UNC13C: variants seen among roughly 807,000 people sequenced by gnomAD.
The protein encoded by UNC13C is unc-13 homolog C.
In UNC13C, 174 loss-of-function variants were observed where a neutral mutation model predicts 245.4. The observed-to-expected ratio is 0.71, with a 90% CI of 0.63 to 0.80. UNC13C has a LOEUF of 0.80. Among genes scored for constraint, UNC13C ranks in the 30% least tolerant of loss-of-function variants. The probability of loss-of-function intolerance (pLI) is 0.00; values close to 1 mark genes in which losing one functional copy is unlikely to be tolerated. For synonymous variants in UNC13C, 992 were observed against 895.1 expected, an observed-to-expected ratio of 1.11 and a Z score of -1.93; for missense variants, 2,829 against 2,602.9, an observed-to-expected ratio of 1.09 and a Z score of -1.89.
chr15:53,934,604 C>T, the UNC13C span, among the ~76,000 whole-genome samples: 3 of 152,284 alleles, frequency 2.0e-5, no homozygotes, highest in Admixed American at 2.0e-4. Flanking sequence ...TCCAATCCCT[C>T]AAATAGTCGT....
intron 4 of UNC13C, among the ~76,000 whole-genome samples, chr15:54,185,401 T>G (rs1050053798): frequency 9.9e-5 from 15 of 151,168 alleles, no homozygotes; most frequent in African/African-American, 2.7e-4. Context: ...TTTATGGTTT[T>G]AGGTCTAACA....
the UNC13C span, among the ~76,000 whole-genome samples, chr15:53,899,065 T>A: frequency 6.6e-6 from 1 of 151,886 alleles, no homozygotes; most frequent in South Asian, 2.1e-4. Flanking sequence ...AGTAACCTCA[T>A]TTTCATCCTT....
At chr15:54,413,571 A>C (rs1036655720) in intron 18 of UNC13C, among the ~76,000 whole-genome samples, 4 of 152,182 alleles carry the variant, frequency 2.6e-5, no homozygotes, top group Non-Finnish European at 5.9e-5. Flanking sequence ...ATTTTTTAGA[A>C]AAGTTCTGAA....
intron 17 of UNC13C, among the ~76,000 whole-genome samples, chr15:54,358,439 G>A (rs1259902087): frequency 3.3e-5 from 5 of 151,992 alleles, no homozygotes; most frequent in African/African-American, 1.2e-4. Context: ...TTCTTCCAAT[G>A]AGTGGACACA....
chr15:53,925,201 A>G, the UNC13C span, among the ~76,000 whole-genome samples: 1 of 152,246 alleles, frequency 6.6e-6, no homozygotes, highest in Non-Finnish European at 1.5e-5. Context: ...GGATTTTTAC[A>G]GTAATTACAT....
intron 13 of UNC13C, among the ~76,000 whole-genome samples, chr15:54,319,597 A>G (rs1423567131): frequency 6.6e-6 from 1 of 151,928 alleles, no homozygotes; most frequent in African/African-American, 2.4e-5. Context: ...TATTATGACA[A>G]AGTAGGTAGC....
At position 54,404,342 on chromosome 15, in the gene UNC13C, TTCC is replaced by T. The variant is rs1196411457; in HGVS notation, c.4848-10637_4848-10635del. Among the ~76,000 whole-genome samples, 4 of 152,184 alleles carry T rather than the reference TTCC, an allele frequency of 2.6e-5. 1 individual carries two copies. Among genetic ancestry groups the T allele is most frequent in the Admixed American group, 1.3e-4 (2 of 15,276 alleles). On this transcript the variant is annotated intron_variant, in intron 18 of 32. Transcript: ENST00000260323. ...AAATTTGGCAGTGGCAGATTATGTT[TTCC>T]TCATTTCACTAAGAAATTTGCAAGA...
intron 18 of UNC13C, among the ~76,000 whole-genome samples, chr15:54,402,516 C>T (rs2040208383): frequency 6.6e-6 from 1 of 151,986 alleles, no homozygotes; most frequent in Non-Finnish European, 1.5e-5. Context: ...GTCATGCTTG[C>T]TGAAAGATTT....
At chr15:54,543,876 G>A (rs1159568167) in intron 26 of UNC13C, among the ~76,000 whole-genome samples, 2 of 152,088 alleles carry the variant, frequency 1.3e-5, no homozygotes, top group East Asian at 3.9e-4. Context: ...ACAAAGAGGA[G>A]CTGATACTAT....
rs1448861107 is a variant in UNC13C, at chr15:54,288,612, G to A, written c.3819-5283G>A. Among the ~76,000 whole-genome samples the A allele has an allele frequency of 2.0e-5, 3 of 152,168 alleles. No individual in the cohort carries two copies. In the East Asian group the frequency reaches 5.8e-4, roughly 30 times the overall value. ...AAGTCCATCTCTAGTTGCAGGGGAG[G>A]TTGGGAAATTGCATAAAACTAAAAA... On this transcript the variant is annotated intron_variant, in intron 10 of 32. Transcript: ENST00000260323.
chr15:54,324,732 A>C (rs1377415062), intron 14 of UNC13C, among the ~76,000 whole-genome samples: 1 of 152,100 alleles, frequency 6.6e-6, no homozygotes, highest in Non-Finnish European at 1.5e-5. Context: ...ACTGTCATAG[A>C]GAGTTCAAGT....
At chr15:54,402,266 C>CAT (rs2040203731) in intron 18 of UNC13C, among the ~76,000 whole-genome samples, 1 of 151,980 alleles carries the variant, frequency 6.6e-6, no homozygotes, top group African/African-American at 2.4e-5. Context: ...AACTGTTACT[C>CAT]ATATATATCA....
chr15:54,262,627 A>T lies in UNC13C; in HGVS notation c.3449-1541A>T, dbSNP rs2036454831. On this transcript the variant is annotated intron_variant, in intron 8 of 32. Coordinates refer to ENST00000260323, the MANE Select transcript of UNC13C (RefSeq NM_001080534.3). Reference sequence around the variant, plus strand: ...CTAGGGACATGTTTCAACAGTGTAGACCATTTACAATGTCCTTTTAAATCA... The same window carrying T: ...CTAGGGACATGTTTCAACAGTGTAGTCCATTTACAATGTCCTTTTAAATCA... Among the ~76,000 whole-genome samples, 2 of 152,282 alleles carry T rather than the reference A, an allele frequency of 1.3e-5. 1 individual carries two copies. The highest frequency in any genetic ancestry group is 4.1e-4 in the South Asian group (2 of 4,830).
chr15:54,293,016 A>T (rs1268876161), intron 10 of UNC13C, among the ~76,000 whole-genome samples: 1 of 151,086 alleles, frequency 6.6e-6, no homozygotes, highest in African/African-American at 2.4e-5. Flanking sequence ...GTATATACAT[A>T]TATAATATAT....
At chr15:54,159,146 G>A (rs1316362376) in intron 4 of UNC13C, among the ~76,000 whole-genome samples, 6 of 152,150 alleles carry the variant, frequency 3.9e-5, no homozygotes, top group African/African-American at 1.2e-4. Flanking sequence ...ACATCTCCCT[G>A]CTGGCAATGT....
At chr15:54,269,093 C>A (rs950603010) in intron 10 of UNC13C, among the ~76,000 whole-genome samples, 1 of 149,254 alleles carries the variant, frequency 6.7e-6, no homozygotes. Context: ...TTTTAGAGTA[C>A]ATGTGCACAA....
intron 7 of UNC13C, among the ~76,000 whole-genome samples, chr15:54,243,610 C>CT (rs1301906106): frequency 6.6e-6 from 1 of 152,210 alleles, no homozygotes; most frequent in African/African-American, 2.4e-5. Context: ...TAAAGCATTC[C>CT]TTTTTTTCTG....
chr15:54,350,387 G>C (rs1031774053), intron 17 of UNC13C, among the ~76,000 whole-genome samples: 1 of 152,132 alleles, frequency 6.6e-6, no homozygotes, highest in African/African-American at 2.4e-5. Context: ...GTGGTCTTAT[G>C]TAAGTCAAAA....
At chr15:54,529,326 T>C (rs1286250166) in intron 25 of UNC13C, among the ~76,000 whole-genome samples, 1 of 152,200 alleles carries the variant, frequency 6.6e-6, no homozygotes, top group Non-Finnish European at 1.5e-5. Flanking sequence ...CAAGTTGTGA[T>C]AATTTAACAT....
Sources: allele counts gnomAD v4.1 joint callset (sites outside exome capture counted in the v4.1 genomes callset), GRCh38; gene constraint gnomAD v4.1.1; transcripts MANE v1.5; gene names NCBI Gene and HGNC (gene_info 2026-07-23, HGNC 2026-07-21).